SUPT5H: variants seen among roughly 807,000 people sequenced by gnomAD.
SUPT5H encodes the protein SPT5 homolog, DSIF elongation factor subunit, also known as transcription elongation factor SPT5.
In SUPT5H, 24 loss-of-function variants were observed where a neutral mutation model predicts 142.5. That is an observed-to-expected ratio of 0.17 (90% CI 0.12 to 0.24). The LOEUF (loss-of-function observed/expected upper bound fraction) is 0.24. SUPT5H is among the 10% of genes least tolerant of loss of function. The probability of loss-of-function intolerance (pLI) is 1.00; values close to 1 mark genes in which losing one functional copy is unlikely to be tolerated. For missense variants in SUPT5H, 893 were observed against 1,471.8 expected, an observed-to-expected ratio of 0.61 and a Z score of 6.43; for synonymous variants, 546 against 553.0, an observed-to-expected ratio of 0.99 and a Z score of 0.18.
rs577340014 is a variant in SUPT5H, at chr19:39,458,375, C to A, written c.319+70C>A. 6.2e-6 allele frequency: 10 copies of A among 1,602,958 alleles called. 1 individual carries two copies. The Admixed American group carries it at 1.7e-4, about 27-fold the overall frequency. On this transcript the variant is annotated intron_variant, in intron 5 of 29. Transcript: ENST00000432763. The surrounding 1 kb of genome is among the most constrained non-coding windows in gnomAD (Gnocchi z 4.2). ...CTGACATTTCCTCCTTCCTGAGGCA[C>A]CTGCCCTCACCGGTAGCCTCCCCAC...
At position 39,457,998 on chromosome 19, in the gene SUPT5H, G is replaced by C. The variant is rs1011499041; in HGVS notation, c.307+258G>C. 6.5e-6 allele frequency: 5 copies of C among 766,258 alleles called. No homozygotes were observed. In the African/African-American group the frequency reaches 8.6e-5, roughly 13 times the overall value. 47.5% of individuals were successfully genotyped at this position (766,258 alleles called of 1,614,324 possible). Reference sequence around the variant, plus strand: ...CCAGGGCCCAGTGAATCCCTTCTGGGGTTGTAGGGTGGGCGAGCTCTGTCC... The same window carrying C: ...CCAGGGCCCAGTGAATCCCTTCTGGCGTTGTAGGGTGGGCGAGCTCTGTCC... On this transcript the variant is annotated intron_variant, in intron 4 of 29. Transcript: ENST00000432763.
rs1213694858 is a variant in SUPT5H, at chr19:39,471,370, A to T, written c.1691A>T (p.Tyr564Phe). The T allele has an allele frequency of 6.2e-7, 1 of 1,614,120 alleles. No homozygotes were observed. Among genetic ancestry groups the T allele is most frequent in the East Asian group, 2.2e-5 (1 of 44,876 alleles). Residue 564 changes from tyrosine to phenylalanine, a missense_variant, in exon 19 of 30, where the codon TAC becomes TTC. Around this residue, in one of 6 missense-constraint regions of SUPT5H, gnomAD observed 428 missense variants for 763.5 expected, o/e 0.56. Coordinates refer to ENST00000432763, the MANE Select transcript of SUPT5H (RefSeq NM_001111020.3). The stretch of plus-strand genomic sequence containing the variant: ...CTCCCTCTGTAGGTGCTGAACATGT[A>T]CGGGAAGGTGGTGACTGTCAGACAT... Reference protein sequence around the residue: ...ERETFQVLNMYGKVVTVRHQA... With the variant: ...ERETFQVLNMFGKVVTVRHQA...
chr19:39,466,620 C>T lies in SUPT5H; in HGVS notation c.966+51C>T, dbSNP rs2079241299. 3 of 1,613,026 alleles carry T rather than the reference C, an allele frequency of 1.9e-6. No homozygotes were observed. In the East Asian group the frequency reaches 6.7e-5, roughly 36 times the overall value. On this transcript the variant is annotated intron_variant, in intron 12 of 29. Coordinates refer to ENST00000432763, the MANE Select transcript of SUPT5H (RefSeq NM_001111020.3). This position sits in a 1 kb window ranked among gnomAD's most constrained non-coding sequence, Gnocchi z 4.3. ...GGGGGAGGGAGTGTGCTCGATCCCA[C>T]TGGTGGCCAAGCCCCCTCCCTCACC...
chr19:39,452,289 A>G (rs141040036), intron 2 of SUPT5H, among the ~76,000 whole-genome samples: 7 of 152,272 alleles, frequency 4.6e-5, no homozygotes, highest in East Asian at 1.9e-4. Flanking sequence ...GTGGGACTCT[A>G]TAGACAGATG....
chr19:39,469,529 C>G lies in SUPT5H; in HGVS notation c.1374+131C>G. ...GGTAAGTTGAGGCCCTTCTAGCATT[C>G]TCAGGTGCCTGAGAGGCTCTGTCTG... On this transcript the variant is annotated intron_variant, in intron 16 of 29. Transcript: ENST00000432763. The surrounding 1 kb of genome is among the most constrained non-coding windows in gnomAD (Gnocchi z 5.1). 1.5e-6 allele frequency: 2 copies of G among 1,333,628 alleles called. No individual in the cohort carries two copies. The highest frequency in any genetic ancestry group is 2.1e-6 in the Non-Finnish European group (2 of 970,908). 82.6% of individuals were successfully genotyped at this position (1,333,628 alleles called of 1,614,324 possible). A position where few individuals can be genotyped will look rare whatever the true frequency, so the allele number is the denominator to read the frequency against.
Position 39,458,571 on chromosome 19 carries a change from C to G in SUPT5H, c.320-247C>G. The stretch of plus-strand genomic sequence containing the variant: ...GGGGTGGGGTGCAGTCCAGGGTGTG[C>G]CTGGACTTTGAGATGGGAACAGCTG... On this transcript the variant is annotated intron_variant, in intron 5 of 29. Coordinates refer to ENST00000432763, the MANE Select transcript of SUPT5H (RefSeq NM_001111020.3). The surrounding 1 kb of genome is among the most constrained non-coding windows in gnomAD (Gnocchi z 4.2). The G allele has an allele frequency of 1.4e-6, 1 of 731,340 alleles. No individual in the cohort carries two copies. Among genetic ancestry groups the G allele is most frequent in the South Asian group, 1.9e-5 (1 of 53,916 alleles). 45.3% of individuals were successfully genotyped at this position (731,340 alleles called of 1,614,324 possible).
intron 10 of SUPT5H, 94 bp downstream of exon 10, chr19:39,460,054 G>A: frequency 7.5e-7 from 1 of 1,334,390 alleles, no homozygotes; most frequent in South Asian, 1.2e-5. Context: ...TGCCTCTGTT[G>A]TGAGCAGAGC....
Position 39,471,710 on chromosome 19 carries a change from G to A in SUPT5H, c.1930G>A (p.Val644Met). The change falls in exon 20 of 30, where the codon GTG (valine) becomes ATG (methionine). Residue 644 changes from valine to methionine, a missense_variant. Coordinates refer to ENST00000432763, the MANE Select transcript of SUPT5H (RefSeq NM_001111020.3). The part of the protein sequence containing the change: ...GMFVCKTRHL[V>M]LAGGSKPRDV... ...GTTTGTCTGCAAGACCCGCCACCTGGTGCTGGCTGGGGGCTCAAAGGTGAG... is the reference window on the plus strand; with the variant it reads ...GTTTGTCTGCAAGACCCGCCACCTGATGCTGGCTGGGGGCTCAAAGGTGAG... The A allele has an allele frequency of 6.2e-7, 1 of 1,614,086 alleles. No homozygotes were observed. Among genetic ancestry groups the A allele is most frequent in the Non-Finnish European group, 8.5e-7 (1 of 1,179,992 alleles).
Position 39,474,440 on chromosome 19 carries a change from T to C in SUPT5H, c.2820+38T>C. ...CTGCCTGCCCTGAAGGGTGGTGGGC[T>C]AGGGTGACTTTGGGCATATAGGGTC... On this transcript the variant is annotated intron_variant, in intron 27 of 29. Transcript: ENST00000432763. This position sits in a 1 kb window ranked among gnomAD's most constrained non-coding sequence, Gnocchi z 6.5. 6.2e-7 allele frequency: 1 copy of C among 1,610,106 alleles called. No individual in the cohort carries two copies. The highest frequency in any genetic ancestry group is 8.5e-7 in the Non-Finnish European group (1 of 1,177,152).
intron 7 of SUPT5H, 33 bp downstream of exon 7, chr19:39,459,106 G>T (rs1297886733): frequency 3.0e-5 from 48 of 1,613,608 alleles, no homozygotes; most frequent in Non-Finnish European, 3.8e-5. Context: ...TGGGGGCAGG[G>T]AGCAGGTGGT....
At chr19:39,475,808 C>G in intron 28 of SUPT5H, 24 of 460,786 alleles carry the variant, frequency 5.2e-5, no homozygotes, top group South Asian at 2.4e-4. Flanking sequence ...GGGGAAGACG[C>G]TGAGGCCAGT....
intron 2 of SUPT5H, among the ~76,000 whole-genome samples, chr19:39,447,629 G>T (rs1453769058): frequency 6.6e-6 from 1 of 152,040 alleles, no homozygotes; most frequent in African/African-American, 2.4e-5. Context: ...GTGTTGGCCA[G>T]GCTGGTCTTG....
Position 39,459,911 on chromosome 19 carries a change from C to T in SUPT5H, c.575C>T (p.Thr192Met). The T allele has an allele frequency of 1.2e-6, 2 of 1,614,162 alleles. No individual in the cohort carries two copies. The highest frequency in any genetic ancestry group is 1.7e-6 in the Non-Finnish European group (2 of 1,180,038). ...TTCCAGATTGGGGAGGAACGGGCCA[C>T]GGCCATTTCCTTGATGCGCAAGTTC... Reference protein sequence around the residue: ...VKCKIGEERATAISLMRKFIA... With the variant: ...VKCKIGEERAMAISLMRKFIA... The change falls in exon 10 of 30, where the codon ACG (threonine) becomes ATG (methionine). Residue 192 changes from threonine (T) to methionine (M), a missense_variant. Coordinates refer to ENST00000432763, the MANE Select transcript of SUPT5H (RefSeq NM_001111020.3).
rs759391158 is a variant in SUPT5H, at chr19:39,465,052, G to T, written c.876+3G>T. ...TCTACAAGGATGACATTGCTCAGGTGCCCGGGGCGGGGTGGCATGGGGGTC... is the reference window on the plus strand; with the variant it reads ...TCTACAAGGATGACATTGCTCAGGTTCCCGGGGCGGGGTGGCATGGGGGTC... On this transcript the variant is annotated splice_donor_region_variant and intron_variant, in intron 11 of 29. Coordinates refer to ENST00000432763, the MANE Select transcript of SUPT5H (RefSeq NM_001111020.3). 6.2e-7 allele frequency: 1 copy of T among 1,609,954 alleles called. No homozygotes were observed.
chr19:39,445,780 C>T, intron 1 of SUPT5H, 24 bp from the exon 2 acceptor site: 1 of 1,327,382 alleles, frequency 7.5e-7, no homozygotes, highest in South Asian at 1.3e-5. Context: ...GCCGGAAGCG[C>T]CCTAAGGGGT....
At chr19:39,459,759 C>G in intron 9 of SUPT5H, 133 bp from the exon 10 acceptor site, 1 of 1,292,880 alleles carries the variant, frequency 7.7e-7, no homozygotes. Context: ...CCTCCATCTT[C>G]CTGGCTGTCC....
rs142117620 is a variant in SUPT5H at position 39,446,957 on chromosome 19, G to A, written c.75+992G>A. ...AGGGAGGTGGAGACTGTGGTGAGCT[G>A]AGATCGCGCCACTGCACTGCAGCCT... On this transcript the variant is annotated intron_variant, in intron 2 of 29. Transcript: ENST00000432763. Among the ~76,000 whole-genome samples the A allele has an allele frequency of 4.6e-5, 7 of 152,342 alleles. No homozygotes were observed. In the East Asian group the frequency reaches 1.4e-3, roughly 29 times the overall value.
intron 3 of SUPT5H, among the ~76,000 whole-genome samples, chr19:39,454,105 A>C (rs1158062175): frequency 6.6e-6 from 1 of 152,210 alleles, no homozygotes; most frequent in Non-Finnish European, 1.5e-5. Flanking sequence ...AGTGAGTGTA[A>C]ATGCTGCCTT....
rs2079347822 is a variant in SUPT5H, at chr19:39,473,176, C to T, written c.2259-27C>T. The stretch of plus-strand genomic sequence containing the variant: ...TGCTAGGCAGTGAGAGGGGTCTGCT[C>T]ACCCCATTTGTTCTCTGCGTCCCCA... On this transcript the variant is annotated intron_variant, in intron 23 of 29. Coordinates refer to ENST00000432763, the MANE Select transcript of SUPT5H (RefSeq NM_001111020.3). The surrounding 1 kb of genome is among the most constrained non-coding windows in gnomAD (Gnocchi z 5.8). 2.5e-6 allele frequency: 4 copies of T among 1,611,112 alleles called. No individual in the cohort carries two copies. The highest frequency in any genetic ancestry group is 1.3e-5 in the African/African-American group (1 of 75,014).
Sources: allele counts gnomAD v4.1 joint callset (sites outside exome capture counted in the v4.1 genomes callset), GRCh38; gene constraint gnomAD v4.1.1; regional missense constraint gnomAD v4.1.1; non-coding constraint Gnocchi (gnomAD v3.1); transcripts MANE v1.5; gene names NCBI Gene and HGNC (gene_info 2026-07-23, HGNC 2026-07-21).